SAMD8: variants seen among roughly 807,000 people sequenced by gnomAD.
SAMD8 encodes sphingomyelin synthase-related protein 1.
SAMD8 carries 20 observed loss-of-function variants against 42.0 expected under a neutral mutation model. The observed-to-expected ratio is 0.48, with a 90% CI of 0.34 to 0.69. The LOEUF (loss-of-function observed/expected upper bound fraction) is 0.69. Ranked by LOEUF, SAMD8 falls within the 30% of genes least tolerant of loss-of-function variation. The pLI, the probability that SAMD8 is intolerant of heterozygous loss-of-function variation, is 0.01. For synonymous variants in SAMD8, 162 were observed against 173.0 expected, an observed-to-expected ratio of 0.94 and a Z score of 0.50; for missense variants, 328 against 511.6, an observed-to-expected ratio of 0.64 and a Z score of 3.46.
intron 1 of SAMD8, among the ~76,000 whole-genome samples, chr10:75,135,021 A>G (rs1335955812): frequency 6.6e-6 from 1 of 152,018 alleles, no homozygotes; most frequent in Non-Finnish European, 1.5e-5. Flanking sequence ...TAATTGTGTC[A>G]TTGCTCTCCA....
intron 4 of SAMD8, among the ~76,000 whole-genome samples, chr10:75,175,635 G>A (rs1015422062): frequency 2.2e-4 from 33 of 151,870 alleles, no homozygotes; most frequent in Middle Eastern, 3.4e-3. Flanking sequence ...TGCAACCTCC[G>A]CCTCCCAGGT....
chr10:75,104,155 G>A, intron 1 of SAMD8: 2 of 1,230,398 alleles, frequency 1.6e-6, no homozygotes. Flanking sequence ...AGGCTGGCTG[G>A]GACTTGTTGG....
chr10:75,102,194 G>C (rs1268135005), intron 1 of SAMD8, among the ~76,000 whole-genome samples: 1 of 152,226 alleles, frequency 6.6e-6, no homozygotes, highest in African/African-American at 2.4e-5. Context: ...GTGGGAGAAG[G>C]GGCCGGGCGC....
intron 1 of SAMD8, among the ~76,000 whole-genome samples, chr10:75,136,147 G>A (rs1408292262): frequency 6.6e-6 from 1 of 151,474 alleles, no homozygotes; most frequent in African/African-American, 2.4e-5. Context: ...TTGTAGTATG[G>A]TACTTGTCTG....
chr10:75,173,318 A>ATT (rs1667117422), intron 4 of SAMD8, among the ~76,000 whole-genome samples: 1 of 152,232 alleles, frequency 6.6e-6, no homozygotes, highest in South Asian at 2.1e-4. Flanking sequence ...ATTGCTTGAA[A>ATT]TTGCATTCCT....
rs377067352 is a variant in SAMD8 at position 75,101,760 on chromosome 10, AC to A, written c.-16+2035del. 383 of 713,342 alleles carry A rather than the reference AC, an allele frequency of 5.4e-4. 5 individuals are homozygous for A. Among genetic ancestry groups the A allele is most frequent in the Middle Eastern group, 4.6e-3 (8 of 1,742 alleles). The allele number at this position is 713,342 out of a possible 1,614,324, so 44.2% of individuals were successfully genotyped here. On this transcript the variant is annotated intron_variant, in intron 1 of 3. Coordinates refer to the SAMD8 transcript ENST00000447533. ...TCTGACCCAGTCGGTTCTCTACCCA[AC>A]CCAAACCCCACCCCTCCCCACACAG... is the stretch of plus-strand genomic sequence containing the variant.
chr10:75,144,132 T>G (rs1466565898), intron 1 of SAMD8, among the ~76,000 whole-genome samples: 1 of 151,976 alleles, frequency 6.6e-6, no homozygotes, highest in Non-Finnish European at 1.5e-5. Flanking sequence ...CATGCCAGGC[T>G]CTTTTTTTCT....
At chr10:75,130,223 C>T (rs941985916) in intron 1 of SAMD8, among the ~76,000 whole-genome samples, 8 of 152,016 alleles carry the variant, frequency 5.3e-5, no homozygotes, top group African/African-American at 1.7e-4. Context: ...TATGATCAGC[C>T]AGGCACGGTG....
At chr10:75,146,272 C>CTTTTTTT (rs202162176) in intron 1 of SAMD8, among the ~76,000 whole-genome samples, 18 of 68,142 alleles carry the variant, frequency 2.6e-4, no homozygotes, top group African/African-American at 1.2e-3. Flanking sequence ...TGTCTTGACA[C>CTTTTTTT]TTTTTTTTTT....
intron 1 of SAMD8, among the ~76,000 whole-genome samples, chr10:75,102,327 C>G (rs936876925): frequency 2.9e-4 from 44 of 152,146 alleles, no homozygotes; most frequent in Non-Finnish European, 5.9e-4. Context: ...CCTGTAGTCC[C>G]AGCTACTCAG....
rs752649131 is a variant in SAMD8 at position 75,150,916 on chromosome 10, C to G, written c.388C>G (p.Gln130Glu). 6.2e-7 allele frequency: 1 copy of G among 1,611,282 alleles called. No individual in the cohort carries two copies. Among genetic ancestry groups the G allele is most frequent in the Non-Finnish European group, 8.5e-7 (1 of 1,178,896 alleles). Residue 130 changes from glutamine to glutamate, a missense_variant, in exon 2 of 6, where the codon CAG becomes GAG. Around this residue, in one of 2 missense-constraint regions of SAMD8, gnomAD observed 150 missense variants for 186.0 expected, o/e 0.81. Transcript: ENST00000542569. ...DGPITDLNSD[Q>E]YQYMNGKNKH... ...ACCCATAACTGACTTGAATTCTGAT[C>G]AGTACCAGTACATGAATGGTAAAAA... is the stretch of plus-strand genomic sequence containing the variant.
chr10:75,132,011 A>C (rs1011740916), intron 1 of SAMD8, among the ~76,000 whole-genome samples: 3 of 152,234 alleles, frequency 2.0e-5, no homozygotes, highest in African/African-American at 7.2e-5. Flanking sequence ...AGACTATTCT[A>C]ATGTATAGCC....
At chr10:75,124,008 G>A (rs545570512) in intron 1 of SAMD8, among the ~76,000 whole-genome samples, 5 of 152,092 alleles carry the variant, frequency 3.3e-5, no homozygotes, top group African/African-American at 4.8e-5. Flanking sequence ...GATTACAGGC[G>A]TGAGCCACTG....
chr10:75,174,427 CCT>C (rs1840942364), intron 4 of SAMD8, among the ~76,000 whole-genome samples: 1 of 147,774 alleles, frequency 6.8e-6, no homozygotes, highest in East Asian at 2.0e-4. Context: ...CCGTGCCTGG[CCT>C]CTTTTTTTTT....
At position 75,101,753 on chromosome 10, in the gene SAMD8, C is replaced by T. The variant is rs577922349; in HGVS notation, c.-16+2025C>T. On this transcript the variant is annotated intron_variant, in intron 1 of 3. Transcript: ENST00000447533. ...CTTCATCTCTGACCCAGTCGGTTCTCTACCCAACCCAAACCCCACCCCTCC... is the reference window on the plus strand; with the variant it reads ...CTTCATCTCTGACCCAGTCGGTTCTTTACCCAACCCAAACCCCACCCCTCC... 72 of 660,748 alleles carry T rather than the reference C, an allele frequency of 1.1e-4. No individual in the cohort carries two copies. The Admixed American group carries it at 1.6e-3, about 15-fold the overall frequency. 40.9% of individuals were successfully genotyped at this position (660,748 alleles called of 1,614,324 possible).
intron 1 of SAMD8, among the ~76,000 whole-genome samples, chr10:75,103,372 T>C (rs995404619): frequency 8.4e-4 from 127 of 152,020 alleles, no homozygotes; most frequent in African/African-American, 3.0e-3. Flanking sequence ...GAGCAGGTCT[T>C]CAGACAGCCC....
chr10:75,112,274 A>G (rs370674072), intron 1 of SAMD8, among the ~76,000 whole-genome samples: 8 of 152,150 alleles, frequency 5.3e-5, no homozygotes, highest in African/African-American at 1.7e-4. Flanking sequence ...GACTAGAAGG[A>G]GGAGGGCTGT....
At chr10:75,105,794 G>A in intron 1 of SAMD8, 1 of 1,551,022 alleles carries the variant, frequency 6.4e-7, no homozygotes, top group East Asian at 2.4e-5. Context: ...GACAGCCGCT[G>A]GTGCAGCATG....
upstream of SAMD8, chr10:75,111,408 T>C (rs1589926786): frequency 1.7e-5 from 14 of 847,348 alleles, no homozygotes; most frequent in Non-Finnish European, 2.2e-5. Context: ...CGGGCCCATC[T>C]GGAGCCTCGC....
Sources: allele counts gnomAD v4.1 joint callset (sites outside exome capture counted in the v4.1 genomes callset), GRCh38; gene constraint gnomAD v4.1.1; regional missense constraint gnomAD v4.1.1; transcripts MANE v1.5; gene names NCBI Gene and HGNC (gene_info 2026-07-23, HGNC 2026-07-21).